The following LDLRAD4 variants were observed in gnomAD, a reference collection of about 807,000 sequenced individuals.
The protein encoded by LDLRAD4 is low density lipoprotein receptor class A domain containing 4.
LDLRAD4 carries 5 observed loss-of-function variants against 17.0 expected under a neutral mutation model. That is an observed-to-expected ratio of 0.29 (90% CI 0.15 to 0.62). The LOEUF is 0.62. Ranked by LOEUF, LDLRAD4 falls within the 20% of genes least tolerant of loss-of-function variation. The pLI, the probability that LDLRAD4 is intolerant of heterozygous loss-of-function variation, is 0.84. For synonymous variants in LDLRAD4, 168 were observed against 171.8 expected, an observed-to-expected ratio of 0.98 and a Z score of 0.17; for missense variants, 340 against 424.7, an observed-to-expected ratio of 0.80 and a Z score of 1.75.
exon 6 of LDLRAD4, chr18:13,652,453 A>G (rs956040810): frequency 6.6e-6 from 1 of 152,650 alleles, no homozygotes; most frequent in South Asian, 2.1e-4. Context: ...GAACTTTTCA[A>G]TAGTTGTTTG....
intron 1 of LDLRAD4, among the ~76,000 whole-genome samples, chr18:13,291,319 A>G (rs573831758): frequency 2.6e-5 from 4 of 152,384 alleles, no homozygotes; most frequent in South Asian, 2.1e-4. Flanking sequence ...GGCAAAAGCA[A>G]TTGTTAGTTT....
chr18:13,503,580 C>T (rs2093646087), intron 3 of LDLRAD4, among the ~76,000 whole-genome samples: 1 of 152,004 alleles, frequency 6.6e-6, no homozygotes, highest in Admixed American at 6.6e-5. Flanking sequence ...GTGCAGGAGA[C>T]CTGTGGATCC....
chr18:13,438,490 A>T (rs2090816267), intron 3 of LDLRAD4, 106 bp downstream of exon 4: 2 of 853,226 alleles, frequency 2.3e-6, no homozygotes, highest in Non-Finnish European at 3.8e-6. Flanking sequence ...TGGTTAAGGA[A>T]AGAGATTTGC....
intron 2 of LDLRAD4, among the ~76,000 whole-genome samples, chr18:13,411,274 A>G (rs1249369448): frequency 2.0e-5 from 3 of 151,952 alleles, no homozygotes; most frequent in African/African-American, 4.8e-5. Flanking sequence ...AAGAAAGAAA[A>G]AAAAGTGCCT....
At chr18:13,402,688 TTGAATGAA>T (rs1160752095) in intron 2 of LDLRAD4, among the ~76,000 whole-genome samples, 4 of 152,168 alleles carry the variant, frequency 2.6e-5, no homozygotes, top group African/African-American at 9.7e-5. Flanking sequence ...TAAACATATG[TTGAATGAA>T]TGAAATGGTA....
chr18:13,467,239 T>A (rs1339204898), intron 3 of LDLRAD4, among the ~76,000 whole-genome samples: 3 of 152,210 alleles, frequency 2.0e-5, no homozygotes, highest in Non-Finnish European at 4.4e-5. Context: ...ATCTTATGTA[T>A]AGAGTATCTC....
chr18:13,268,172 C>T (rs115789292), intron 1 of LDLRAD4, among the ~76,000 whole-genome samples: 4,702 of 152,246 alleles, frequency 0.031, 115 homozygotes, highest in African/African-American at 0.066. Context: ...TTGTTCCTGT[C>T]GATGGACTGC....
At chr18:13,229,121 A>G (rs2145470866) in intron 1 of LDLRAD4, among the ~76,000 whole-genome samples, 1 of 152,358 alleles carries the variant, frequency 6.6e-6, no homozygotes, top group African/African-American at 2.4e-5. Context: ...CCGAGGAGGC[A>G]GCGTCCAGGC....
At chr18:13,478,260 C>T (rs940336476) in intron 3 of LDLRAD4, among the ~76,000 whole-genome samples, 1 of 152,218 alleles carries the variant, frequency 6.6e-6, no homozygotes, top group Non-Finnish European at 1.5e-5. Context: ...TGTAGCATAT[C>T]TTCTACTGTA....
chr18:13,521,675 G>A (rs1214380648), intron 3 of LDLRAD4: 2 of 152,060 alleles, frequency 1.3e-5, no homozygotes, highest in African/African-American at 4.8e-5. Flanking sequence ...TCTGTTCCAT[G>A]AGCACGTGAC....
chr18:13,397,341 C>A (rs1259472619), intron 2 of LDLRAD4, among the ~76,000 whole-genome samples: 1 of 152,198 alleles, frequency 6.6e-6, no homozygotes, highest in East Asian at 1.9e-4. Context: ...GACAGAGTTT[C>A]ACCCTGTTAG....
chr18:13,326,625 C>G (rs1292364314), intron 1 of LDLRAD4, among the ~76,000 whole-genome samples: 1 of 152,164 alleles, frequency 6.6e-6, no homozygotes, highest in South Asian at 2.1e-4. Context: ...ATGGGGCAAC[C>G]CTTCCAGACC....
At chr18:13,408,803 T>G (rs1203050064) in intron 2 of LDLRAD4, among the ~76,000 whole-genome samples, 1 of 152,188 alleles carries the variant, frequency 6.6e-6, no homozygotes. Flanking sequence ...TTAGGATGCC[T>G]TTTCTTCTTC....
intron 1 of LDLRAD4, among the ~76,000 whole-genome samples, chr18:13,311,440 G>A: frequency 6.6e-6 from 1 of 152,226 alleles, no homozygotes; most frequent in Non-Finnish European, 1.5e-5. Context: ...CACACTCCCA[G>A]GGACTGCTAA....
intron 3 of LDLRAD4, among the ~76,000 whole-genome samples, chr18:13,550,452 G>T (rs556895609): frequency 6.6e-6 from 1 of 152,312 alleles, no homozygotes; most frequent in African/African-American, 2.4e-5. Flanking sequence ...CGTAATACTG[G>T]GAGCTGCAGA....
chr18:13,542,083 G>C (rs532106702), intron 3 of LDLRAD4, among the ~76,000 whole-genome samples: 96 of 152,178 alleles, frequency 6.3e-4, no homozygotes, highest in African/African-American at 2.2e-3. Context: ...TTCTAAAAAA[G>C]GAAAAAGGTC....
chr18:13,605,899 G>A (rs933753800), intron 3 of LDLRAD4, among the ~76,000 whole-genome samples: 3 of 152,172 alleles, frequency 2.0e-5, no homozygotes, highest in Non-Finnish European at 2.9e-5. Flanking sequence ...ATGGTGACAT[G>A]CACATCACTC....
intron 3 of LDLRAD4, among the ~76,000 whole-genome samples, chr18:13,590,007 G>A (rs964385450): frequency 8.6e-5 from 13 of 151,782 alleles, no homozygotes; most frequent in African/African-American, 3.1e-4. Context: ...GTGTGCACGT[G>A]TGTGGCTGTG....
intron 2 of LDLRAD4, among the ~76,000 whole-genome samples, chr18:13,391,305 TG>T (rs1158190076): frequency 6.6e-6 from 1 of 152,012 alleles, no homozygotes; most frequent in Non-Finnish European, 1.5e-5. Context: ...ACTCGGGCTG[TG>T]GGGGAGGGCT....
Sources: allele counts gnomAD v4.1 joint callset (sites outside exome capture counted in the v4.1 genomes callset), GRCh38; gene constraint gnomAD v4.1.1; transcripts MANE v1.5; gene names NCBI Gene and HGNC (gene_info 2026-07-23, HGNC 2026-07-21).